Variants in SBSPON observed in about 807,000 individuals in gnomAD.
The protein encoded by SBSPON is somatomedin B and thrombospondin type 1 domain containing, also known as somatomedin-B and thrombospondin type-1 domain-containing protein.
In SBSPON, 30 loss-of-function variants were observed where a neutral mutation model predicts 35.8. The observed-to-expected ratio is 0.84, with a 90% confidence interval of 0.63 to 1.14. The LOEUF is 1.14. Ranked by LOEUF, SBSPON falls within the 50% of genes most tolerant of loss-of-function variation. The pLI, the probability that SBSPON is intolerant of heterozygous loss-of-function variation, is 0.00. For synonymous variants in SBSPON, 136 were observed against 135.9 expected (o/e 1.00, Z 0.00); for missense variants, 364 against 357.7 (o/e 1.02, Z -0.14).
rs200386383 is a variant in SBSPON at position 73,069,883 on chromosome 8, G to A, written c.599C>T (p.Thr200Met). 2.7e-5 allele frequency: 43 copies of A among 1,613,396 alleles called. No homozygotes were observed. The highest frequency in any genetic ancestry group is 7.7e-5 in the South Asian group (7 of 91,054). ...RWMQYLREGY[T>M]VCVDCQPPAM... ...TGGAGGCTGACAATCCACACACACC[G>A]TGTATCCCTCTCGGAGATACTGCAT... The change falls in exon 4 of 5, where the codon ACG (threonine) becomes ATG (methionine). Residue 200 changes from threonine to methionine, a missense_variant. Coordinates refer to ENST00000297354, the MANE Select transcript of SBSPON (RefSeq NM_153225.4).
At position 73,093,005 on chromosome 8, in the gene SBSPON, G is replaced by GCC. The variant is rs1350038652; in HGVS notation, c.61_62dup (p.Cys22AlafsTer121). On this transcript the variant is annotated frameshift_variant, in exon 1 of 5. Coordinates refer to ENST00000297354, the MANE Select transcript of SBSPON (RefSeq NM_153225.4). LOFTEE classifies it high-confidence loss of function. ...GACAGCAGCGCCCGGCCTCGGCGCA[G>GCC]CCGGCCTGGGCCCCGGGCCACAGCC... 1.4e-6 allele frequency: 2 copies of GCC among 1,462,310 alleles called. No individual in the cohort carries two copies. The highest frequency in any genetic ancestry group is 3.0e-5 in the Admixed American group (1 of 33,654). The allele number at this position is 1,462,310 out of a possible 1,614,324, so 90.6% of individuals were successfully genotyped here. A position where few individuals can be genotyped will look rare whatever the true frequency, so the allele number is the denominator to read the frequency against.
intron 1 of SBSPON, among the ~76,000 whole-genome samples, chr8:73,084,592 G>A (rs1468887030): frequency 6.6e-6 from 1 of 151,934 alleles, no homozygotes; most frequent in Non-Finnish European, 1.5e-5. Context: ...TCCCACCCTG[G>A]GACCGTTGTA....
chr8:73,068,379 G>T (rs188227664), intron 4 of SBSPON, among the ~76,000 whole-genome samples: 236 of 152,274 alleles, frequency 1.5e-3, no homozygotes, highest in African/African-American at 5.4e-3. Flanking sequence ...TATTAAATAT[G>T]AAAACATTCT....
chr8:73,091,700 A>G (rs1256850042), intron 1 of SBSPON, among the ~76,000 whole-genome samples: 1 of 152,238 alleles, frequency 6.6e-6, no homozygotes, highest in Non-Finnish European at 1.5e-5. Flanking sequence ...AAGCTTATCA[A>G]AAAGCTTTAT....
At chr8:73,070,955 G>A (rs1224815321) in intron 3 of SBSPON, among the ~76,000 whole-genome samples, 2 of 152,170 alleles carry the variant, frequency 1.3e-5, no homozygotes, top group African/African-American at 4.8e-5. Context: ...AGTTATTGAG[G>A]TAAGAAATCC....
At position 73,065,422 on chromosome 8, in the gene SBSPON, G is replaced by C. The variant is rs1810368498; in HGVS notation, c.*1919C>G. 6.6e-6 allele frequency: 1 copy of C among 152,016 alleles called. No homozygotes were observed. Among genetic ancestry groups the C allele is most frequent in the Non-Finnish European group, 1.5e-5 (1 of 68,008 alleles). The allele number at this position is 152,016 out of a possible 1,614,324, so 9.4% of individuals were successfully genotyped here. A position where few individuals can be genotyped will look rare whatever the true frequency, so the allele number is the denominator to read the frequency against. ...TCCAGAAAATTTGGGTTATTTTCTAGTCAAACAAATATAGAGCTTTTATAA... is the reference window on the plus strand; with the variant it reads ...TCCAGAAAATTTGGGTTATTTTCTACTCAAACAAATATAGAGCTTTTATAA... On this transcript the variant is annotated 3_prime_UTR_variant, in exon 5 of 5. Transcript: ENST00000297354.
intron 3 of SBSPON, 100 bp downstream of exon 3, chr8:73,071,680 T>C (rs1810493900): frequency 1.4e-6 from 1 of 693,660 alleles, no homozygotes; most frequent in Non-Finnish European, 2.4e-6. Context: ...AAAGAGCAAG[T>C]AGAAAGAAGA....
chr8:73,078,487 T>A (rs1156668490), intron 2 of SBSPON, among the ~76,000 whole-genome samples: 1 of 152,170 alleles, frequency 6.6e-6, no homozygotes, highest in Non-Finnish European at 1.5e-5. Flanking sequence ...AACAACTTCC[T>A]GCATTGTCCT....
At chr8:73,077,350 C>T (rs911121834) in intron 2 of SBSPON, among the ~76,000 whole-genome samples, 5 of 152,182 alleles carry the variant, frequency 3.3e-5, no homozygotes, top group Non-Finnish European at 5.9e-5. Flanking sequence ...ATGAGGGATT[C>T]GTGTGCCGCG....
At chr8:73,078,212 G>A (rs1810630513) in intron 2 of SBSPON, among the ~76,000 whole-genome samples, 1 of 152,192 alleles carries the variant, frequency 6.6e-6, no homozygotes, top group Non-Finnish European at 1.5e-5. Context: ...AGATCCTGAT[G>A]CTGCTGATCC....
At position 73,069,785 on chromosome 8, in the gene SBSPON, C is replaced by T; in HGVS notation, c.677+20G>A. ...AGAATGAGTGACAAGAAAAGTACTT[C>T]AGTTAATTTCCATTCTTACCCATCG... On this transcript the variant is annotated intron_variant, in intron 4 of 4. Coordinates refer to ENST00000297354, the MANE Select transcript of SBSPON (RefSeq NM_153225.4). 1 of 1,601,152 alleles carries T rather than the reference C, an allele frequency of 6.2e-7. No individual in the cohort carries two copies. The highest frequency in any genetic ancestry group is 8.6e-7 in the Non-Finnish European group (1 of 1,168,370).
rs1386253692 is a variant in SBSPON, at chr8:73,075,363, A to G, written c.410-3493T>C. On this transcript the variant is annotated intron_variant, in intron 2 of 4. Transcript: ENST00000297354. ...GTCCCAGAACCAGCATCACTTTTTA[A>G]TACACCCCCCCCAAATTCACTTTTC... Among the ~76,000 whole-genome samples the G allele has an allele frequency of 2.0e-5, 3 of 152,108 alleles. No individual in the cohort carries two copies. In the East Asian group the frequency reaches 5.8e-4, roughly 29 times the overall value.
chr8:73,069,871 T>C lies in SBSPON; in HGVS notation c.611A>G (p.Asp204Gly). 1.2e-6 allele frequency: 2 copies of C among 1,614,028 alleles called. No homozygotes were observed. Among genetic ancestry groups the C allele is most frequent in the Non-Finnish European group, 1.7e-6 (2 of 1,179,918 alleles). ...AGAGTTCATAGCTGGAGGCTGACAA[T>C]CCACACACACCGTGTATCCCTCTCG... ...YLREGYTVCVDCQPPAMNSVS... is the reference protein window; with the variant it reads ...YLREGYTVCVGCQPPAMNSVS... The change falls in exon 4 of 5, where the codon GAT becomes GGT. Residue 204 changes from aspartate (D) to glycine (G), a missense_variant. By Grantham distance (94) the Asp-to-Gly change is moderately conservative. Transcript: ENST00000297354.
At position 73,093,043 on chromosome 8, in the gene SBSPON, A is replaced by G; in HGVS notation, c.25T>C (p.Cys9Arg). Residue 9 changes from cysteine (C) to arginine (R), a missense_variant, in exon 1 of 5, where the codon TGC becomes CGC. By Grantham distance (180) the Cys-to-Arg change is radical. Transcript: ENST00000297354. Reference protein sequence around the residue: MRTLWMALCALSRLWPGAQ... With the variant: MRTLWMALRALSRLWPGAQ... ...CCGGGCCACAGCCGCGACAGCGCGC[A>G]CAGCGCCATCCACAGGGTCCTCATG... is the stretch of plus-strand genomic sequence containing the variant. 7.2e-7 allele frequency: 1 copy of G among 1,379,470 alleles called. No homozygotes were observed. The highest frequency in any genetic ancestry group is 9.3e-7 in the Non-Finnish European group (1 of 1,072,400). 85.5% of individuals were successfully genotyped at this position (1,379,470 alleles called of 1,614,324 possible).
chr8:73,092,205 G>A (rs1463136396), intron 1 of SBSPON, among the ~76,000 whole-genome samples: 2 of 152,186 alleles, frequency 1.3e-5, no homozygotes, highest in South Asian at 2.1e-4. Context: ...TAGGGACCTC[G>A]AGATAAAATC....
intron 1 of SBSPON, 134 bp from the exon 2 acceptor site, chr8:73,081,347 A>G: frequency 1.5e-6 from 1 of 645,400 alleles, no homozygotes. Context: ...CAGGAGACGC[A>G]CACAAAGCCT....
At chr8:73,067,562 G>T in intron 4 of SBSPON, 104 bp from the exon 5 acceptor site, 1 of 557,262 alleles carries the variant, frequency 1.8e-6, no homozygotes, top group South Asian at 1.8e-5. Context: ...ATCACAGCCT[G>T]AGCAATATAG....
chr8:73,091,703 AG>A (rs1209650617), intron 1 of SBSPON, among the ~76,000 whole-genome samples: 1 of 152,234 alleles, frequency 6.6e-6, no homozygotes, highest in Non-Finnish European at 1.5e-5. Context: ...CTTATCAAAA[AG>A]CTTTATCAAA....
At chr8:73,079,373 A>T (rs949609638) in intron 2 of SBSPON, among the ~76,000 whole-genome samples, 3 of 151,932 alleles carry the variant, frequency 2.0e-5, no homozygotes, top group Non-Finnish European at 4.4e-5. Flanking sequence ...GAACAGTCTC[A>T]TGCTGTGAGG....
Sources: gnomAD v4.1 joint callset for allele counts (sites outside exome capture counted in the v4.1 genomes callset) on GRCh38, gnomAD v4.1.1 for gene constraint, MANE v1.5 for transcripts, NCBI Gene and HGNC (gene_info 2026-07-23, HGNC 2026-07-21) for gene names.